The following KIF15 variants were observed in gnomAD, a reference collection of about 807,000 sequenced individuals.
KIF15 encodes the protein kinesin family member 15.
A neutral mutation model predicts 190.6 loss-of-function variants in KIF15; 140 were observed. The ratio of observed to expected loss-of-function variants is 0.73; its 90% CI spans 0.64 to 0.84. The LOEUF (loss-of-function observed/expected upper bound fraction) is 0.84, where lower values mean the gene tolerates loss of function less well. Ranked by LOEUF, KIF15 falls within the 40% of genes least tolerant of loss-of-function variation. The pLI is 0.00. For synonymous variants in KIF15, 528 were observed against 551.3 expected (o/e 0.96, Z 0.59); for missense variants, 1,372 against 1,584.4 (o/e 0.87, Z 2.28).
chr3:44,866,470 C>T (rs990929610), intron 6 of KIF15, among the ~76,000 whole-genome samples: 3 of 152,144 alleles, frequency 2.0e-5, no homozygotes, highest in Non-Finnish European at 4.4e-5. Flanking sequence ...AGCCTGAAGC[C>T]CGGCACTTAC....
intron 8 of KIF15, among the ~76,000 whole-genome samples, chr3:44,797,232 T>C (rs547339728): frequency 3.0e-4 from 45 of 152,292 alleles, no homozygotes; most frequent in African/African-American, 1.0e-3. Flanking sequence ...TTTTGCCATG[T>C]TGCCCAGGCT....
chr3:44,821,661 C>T (rs551083306), intron 20 of KIF15, among the ~76,000 whole-genome samples: 3 of 152,068 alleles, frequency 2.0e-5, no homozygotes, highest in East Asian at 1.9e-4. Context: ...GGCAGAGGGG[C>T]TCCTCACGTC....
chr3:44,832,933 G>GAATC (rs202022116), intron 26 of KIF15, among the ~76,000 whole-genome samples: 2,803 of 148,960 alleles, frequency 0.019, 72 homozygotes, highest in African/African-American at 0.064. Context: ...GAAAATGGTT[G>GAATC]CAGGAGGCAG....
chr3:44,811,504 G>T (rs1197316890), intron 17 of KIF15, among the ~76,000 whole-genome samples: 1 of 152,118 alleles, frequency 6.6e-6, no homozygotes, highest in Admixed American at 6.5e-5. Context: ...AATTAGCCGG[G>T]TGTGGTGGTA....
At chr3:44,821,531 C>A (rs76231464) in intron 20 of KIF15, among the ~76,000 whole-genome samples, 3 of 151,598 alleles carry the variant, frequency 2.0e-5, no homozygotes, top group African/African-American at 7.3e-5. Flanking sequence ...CGATGAGTGG[C>A]CGGGCAGAGA....
At chr3:44,848,945 G>A (rs1210264348) in intron 32 of KIF15, among the ~76,000 whole-genome samples, 1 of 152,126 alleles carries the variant, frequency 6.6e-6, no homozygotes, top group Non-Finnish European at 1.5e-5. Context: ...TAGCCCTTGG[G>A]TCTCTTTATG....
intron 20 of KIF15, among the ~76,000 whole-genome samples, chr3:44,815,800 G>C (rs1230822963): frequency 6.6e-6 from 1 of 151,940 alleles, no homozygotes. Flanking sequence ...AATGTCTCCT[G>C]TGTCTATAAG....
chr3:44,796,261 A>G (rs372578967), intron 8 of KIF15, among the ~76,000 whole-genome samples: 79 of 152,248 alleles, frequency 5.2e-4, no homozygotes, highest in African/African-American at 1.8e-3. Context: ...TGGGAGGCTG[A>G]GGTGGGAGGA....
chr3:44,799,389 C>A (rs1031562310), intron 10 of KIF15: 2 of 455,874 alleles, frequency 4.4e-6, no homozygotes, highest in Non-Finnish European at 8.8e-6. Context: ...ATTGGGCTTA[C>A]AGCGAGAATA....
Position 44,775,321 on chromosome 3 carries a change from G to T in KIF15, c.130G>T (p.Asp44Tyr). The change falls in exon 3 of 35, where the codon GAT (aspartate) becomes TAT (tyrosine). Residue 44 changes from aspartate (D) to tyrosine (Y), a missense_variant. Coordinates refer to ENST00000326047, the MANE Select transcript of KIF15 (RefSeq NM_020242.3). ...RPPAERSGSA[D>Y]GEQNLCLSVL... is the part of the protein sequence containing the mutation. ...TCCTGCAGAAAGATCTGGGTCAGCT[G>T]ATGGAGAGCAGAACTTATGCTTATC... The T allele has an allele frequency of 6.2e-7, 1 of 1,614,112 alleles. No homozygotes were observed. The highest frequency in any genetic ancestry group is 8.5e-7 in the Non-Finnish European group (1 of 1,180,004).
intron 1 of KIF15, among the ~76,000 whole-genome samples, chr3:44,768,529 G>A (rs6763682): frequency 0.018 from 2,655 of 148,498 alleles, 51 homozygotes; most frequent in African/African-American, 0.04. Flanking sequence ...CTCCCAGGGC[G>A]CATGTGGGCC....
At chr3:44,768,986 G>C (rs1467438282) in intron 1 of KIF15, among the ~76,000 whole-genome samples, 1 of 152,178 alleles carries the variant, frequency 6.6e-6, no homozygotes, top group Non-Finnish European at 1.5e-5. Context: ...GGAGAGGGAG[G>C]CCAAAAGCCT....
chr3:44,861,961 T>TCCGCGA, intron 6 of KIF15: 1 of 1,400,420 alleles, frequency 7.1e-7, no homozygotes, highest in Non-Finnish European at 9.3e-7. Flanking sequence ...CGGCGCCGTG[T>TCCGCGA]CCGCGACCGC....
chr3:44,813,510 C>T (rs1207903514), intron 19 of KIF15, among the ~76,000 whole-genome samples: 4 of 151,646 alleles, frequency 2.6e-5, no homozygotes, highest in South Asian at 2.1e-4. Context: ...CTCCACCTCC[C>T]GAGTTCAAGC....
chr3:44,841,695 G>A (rs1698615646), intron 29 of KIF15, among the ~76,000 whole-genome samples: 1 of 152,054 alleles, frequency 6.6e-6, no homozygotes. Flanking sequence ...ACCGCGCCTG[G>A]CCAATTTAAT....
chr3:44,862,385 C>G (rs1192355487), intron 6 of KIF15: 3 of 155,306 alleles, frequency 1.9e-5, no homozygotes, highest in Non-Finnish European at 4.3e-5. Flanking sequence ...GGACTGAGGC[C>G]TCTTCCCTTA....
intron 6 of KIF15, among the ~76,000 whole-genome samples, chr3:44,858,923 G>T (rs769398319): frequency 6.6e-6 from 1 of 152,232 alleles, no homozygotes; most frequent in Non-Finnish European, 1.5e-5. Flanking sequence ...CCTCCAAGGC[G>T]ATCGGGCAGC....
At position 44,838,365 on chromosome 3, in the gene KIF15, T is replaced by C; in HGVS notation, c.3262T>C (p.Ser1088Pro). The C allele has an allele frequency of 6.2e-7, 1 of 1,614,000 alleles. No individual in the cohort carries two copies. ...AAAAAAACACTCGGGGCTGCTGCAG[T>C]CTGCCCAGGAAGAACTGACCAAGAA... ...ASKKHSGLLQ[S>P]AQEELTKKEA... The change falls in exon 27 of 35, where the codon TCT becomes CCT. Residue 1088 changes from serine (S) to proline (P), a missense_variant. Ser to Pro is a moderately conservative substitution (Grantham distance 74). Coordinates refer to ENST00000326047, the MANE Select transcript of KIF15 (RefSeq NM_020242.3).
At chr3:44,767,011 C>T (rs961241308) in intron 1 of KIF15, among the ~76,000 whole-genome samples, 6 of 151,896 alleles carry the variant, frequency 4.0e-5, no homozygotes, top group East Asian at 3.9e-4. Flanking sequence ...GGGGTTTCAC[C>T]GTGTTAGCCA....
Sources: allele counts gnomAD v4.1 joint callset (sites outside exome capture counted in the v4.1 genomes callset), GRCh38; gene constraint gnomAD v4.1.1; transcripts MANE v1.5; gene names NCBI Gene and HGNC (gene_info 2026-07-23, HGNC 2026-07-21).